Variants in SH2D4A observed in about 807,000 individuals in gnomAD.
SH2D4A encodes SH2 domain containing 4A, also known as SH2 domain-containing protein 4A.
In SH2D4A, 70 loss-of-function variants were observed where a neutral mutation model predicts 64.7. The ratio of observed to expected loss-of-function variants is 1.08; its 90% CI spans 0.89 to 1.32. The LOEUF is 1.32. SH2D4A is among the 40% of genes most tolerant of loss of function. The pLI is 0.00. For missense variants in SH2D4A, 706 were observed against 540.1 expected (o/e 1.31, Z -3.04); for synonymous variants, 268 against 200.7 (o/e 1.34, Z -2.83).
intron 4 of SH2D4A, among the ~76,000 whole-genome samples, chr8:19,342,741 C>G (rs2052548501): frequency 6.6e-6 from 1 of 152,180 alleles, no homozygotes; most frequent in Admixed American, 6.5e-5. Flanking sequence ...AACGATCACA[C>G]TGCTGGGATT....
intron 4 of SH2D4A, among the ~76,000 whole-genome samples, chr8:19,356,062 G>A (rs1486891435): frequency 1.3e-5 from 2 of 152,216 alleles, no homozygotes; most frequent in Non-Finnish European, 2.9e-5. Context: ...GCTATCTTTG[G>A]TAGTAGCACT....
chr8:19,388,040 T>C (rs1042615728), intron 8 of SH2D4A, among the ~76,000 whole-genome samples: 3 of 152,176 alleles, frequency 2.0e-5, no homozygotes, highest in Non-Finnish European at 2.9e-5. Flanking sequence ...CAAGGCATAC[T>C]ACACATACGT....
chr8:19,364,360 G>C, intron 7 of SH2D4A, 78 bp downstream of exon 7: 2 of 1,512,502 alleles, frequency 1.3e-6, no homozygotes, highest in Non-Finnish European at 1.8e-6. Flanking sequence ...AAGGGGAATT[G>C]TATGAGCTGC....
At chr8:19,382,350 C>T (rs574948413) in intron 8 of SH2D4A, among the ~76,000 whole-genome samples, 9 of 152,082 alleles carry the variant, frequency 5.9e-5, no homozygotes, top group African/African-American at 9.7e-5. Context: ...GATAGTCCTC[C>T]ACTTACAATG....
intron 8 of SH2D4A, among the ~76,000 whole-genome samples, chr8:19,380,177 C>A (rs1319132626): frequency 6.6e-6 from 1 of 152,150 alleles, no homozygotes; most frequent in African/African-American, 2.4e-5. Flanking sequence ...TGTATATCTT[C>A]TTTGACAAAT....
At chr8:19,316,589 G>A (rs749950132) in intron 1 of SH2D4A, among the ~76,000 whole-genome samples, 9 of 152,216 alleles carry the variant, frequency 5.9e-5, no homozygotes, top group Non-Finnish European at 1.0e-4. Context: ...CCTAAGCTTA[G>A]CTACAGTTGA....
At chr8:19,337,662 A>T (rs1419490602) in intron 4 of SH2D4A, among the ~76,000 whole-genome samples, 1 of 152,232 alleles carries the variant, frequency 6.6e-6, no homozygotes, top group African/African-American at 2.4e-5. Flanking sequence ...GGGAGGCCTC[A>T]CAATCACTGT....
At chr8:19,370,258 T>A (rs1166935247) in intron 7 of SH2D4A, among the ~76,000 whole-genome samples, 2 of 152,096 alleles carry the variant, frequency 1.3e-5, no homozygotes, top group Admixed American at 6.6e-5. Context: ...AGTCTATAAT[T>A]GTCTGTTAGG....
chr8:19,373,458 A>G, intron 7 of SH2D4A, 72 bp from the exon 8 acceptor site: 1 of 991,518 alleles, frequency 1.0e-6, no homozygotes, highest in Non-Finnish European at 1.4e-6. Flanking sequence ...ATATATATAT[A>G]TATATATGAC....
At position 19,357,283 on chromosome 8, in the gene SH2D4A, G is replaced by T; in HGVS notation, c.594G>T (p.Gln198His). 6.2e-7 allele frequency: 1 copy of T among 1,610,110 alleles called. No individual in the cohort carries two copies. The highest frequency in any genetic ancestry group is 8.5e-7 in the Non-Finnish European group (1 of 1,176,434). The change falls in exon 5 of 10, where the codon CAG (glutamine) becomes CAT (histidine). Residue 198 changes from glutamine (Q) to histidine (H), a missense_variant and splice_region_variant. Physicochemically the swap from Gln to His is conservative, Grantham distance 24. Transcript: ENST00000265807. ...GTATGAAGGCATATGCATTTCACCA[G>T]GTAAAAGACTTCCCTTCTGTCCTCC... ...INRMKAYAFH[Q>H]KKESMKKKQD...
In SH2D4A at chr8:19,314,477, G is replaced by C. The variant is rs959413504; in HGVS notation, c.-205+654G>C. ...GGCGGGGCTGGCCCAGACCCAGACCGGGTGCCCAGTGCGCTCAGCCAAGCG... is the reference window on the plus strand; with the variant it reads ...GGCGGGGCTGGCCCAGACCCAGACCCGGTGCCCAGTGCGCTCAGCCAAGCG... On this transcript the variant is annotated intron_variant, in intron 1 of 9. Transcript: ENST00000265807. 4.1e-3 allele frequency among the ~76,000 whole-genome samples: 628 copies of C among 152,186 alleles called. 8 individuals carry two copies. Among genetic ancestry groups the C allele is most frequent in the African/African-American group, 0.014 (589 of 41,536 alleles).
chr8:19,393,241 C>T, intron 8 of SH2D4A, 77 bp from the exon 9 acceptor site: 1 of 1,319,084 alleles, frequency 7.6e-7, no homozygotes, highest in Non-Finnish European at 1.1e-6. Flanking sequence ...ACTCTATATC[C>T]ATGCAGCTGG....
chr8:19,331,216 A>G (rs78571798), intron 2 of SH2D4A, among the ~76,000 whole-genome samples: 2 of 152,220 alleles, frequency 1.3e-5, no homozygotes, highest in Non-Finnish European at 2.9e-5. Context: ...GCCACAGTAC[A>G]AAAGTCAAGA....
intron 4 of SH2D4A, among the ~76,000 whole-genome samples, chr8:19,353,829 CT>C (rs1012756492): frequency 6.6e-6 from 1 of 151,808 alleles, no homozygotes; most frequent in African/African-American, 2.4e-5. Context: ...TATTTTAACC[CT>C]TTAGAATAAT....
chr8:19,320,042 G>C lies in SH2D4A; in HGVS notation c.181+314G>C, dbSNP rs772026573. 2.6e-5 allele frequency among the ~76,000 whole-genome samples: 4 copies of C among 152,088 alleles called. No individual in the cohort carries two copies. The South Asian group carries it at 8.3e-4, about 32-fold the overall frequency. ...AAGAAAGGTTTCTATCTCCTTTATTGTTACTGGTTCCTAATATGCTACTAC... is the reference window on the plus strand; with the variant it reads ...AAGAAAGGTTTCTATCTCCTTTATTCTTACTGGTTCCTAATATGCTACTAC... On this transcript the variant is annotated intron_variant, in intron 2 of 9. Coordinates refer to ENST00000265807, the MANE Select transcript of SH2D4A (RefSeq NM_022071.4).
At chr8:19,336,643 A>G (rs2052450575) in intron 4 of SH2D4A, among the ~76,000 whole-genome samples, 1 of 152,088 alleles carries the variant, frequency 6.6e-6, no homozygotes, top group Non-Finnish European at 1.5e-5. Flanking sequence ...TTTTGAGGCC[A>G]GGAGTTCCAG....
At chr8:19,350,314 G>T (rs539425097) in intron 4 of SH2D4A, among the ~76,000 whole-genome samples, 1 of 152,200 alleles carries the variant, frequency 6.6e-6, no homozygotes, top group Non-Finnish European at 1.5e-5. Context: ...ATTTTTCAAA[G>T]ATGTTGCTGC....
At chr8:19,347,250 G>A (rs2052627248) in intron 4 of SH2D4A, among the ~76,000 whole-genome samples, 1 of 152,216 alleles carries the variant, frequency 6.6e-6, no homozygotes, top group Non-Finnish European at 1.5e-5. Flanking sequence ...GCCAGGTTTT[G>A]AGACACGCAC....
chr8:19,388,652 AAAT>A (rs1446513271), intron 8 of SH2D4A, among the ~76,000 whole-genome samples: 1 of 152,244 alleles, frequency 6.6e-6, no homozygotes, highest in Non-Finnish European at 1.5e-5. Context: ...AGATGTACCC[AAAT>A]AATATTAGAC....
Sources: allele counts gnomAD v4.1 joint callset (sites outside exome capture counted in the v4.1 genomes callset), GRCh38; gene constraint gnomAD v4.1.1; transcripts MANE v1.5; gene names NCBI Gene and HGNC (gene_info 2026-07-23, HGNC 2026-07-21).